LAMA3: variants seen among roughly 807,000 people sequenced by gnomAD.
The protein encoded by LAMA3 is laminin subunit alpha 3, also known as laminin subunit alpha-3.
In LAMA3, 281 loss-of-function variants were observed where a neutral mutation model predicts 402.0. The ratio of observed to expected loss-of-function variants is 0.70; its 90% CI spans 0.63 to 0.77. The LOEUF is 0.77. LAMA3 is among the 30% of genes least tolerant of loss of function. The pLI is 0.00. For synonymous variants in LAMA3, 1,431 were observed against 1,558.4 expected, an observed-to-expected ratio of 0.92 and a Z score of 1.93; for missense variants, 3,840 against 4,215.5, an observed-to-expected ratio of 0.91 and a Z score of 2.47.
At chr18:23,827,228 T>G in intron 22 of LAMA3, 86 bp from the exon 23 acceptor site, 2 of 1,349,966 alleles carry the variant, frequency 1.5e-6, no homozygotes, top group Non-Finnish European at 2.1e-6. Context: ...ACTGAATGAC[T>G]GAGAGTCTTT....
chr18:23,937,553 G>T (rs1460749263), intron 67 of LAMA3, among the ~76,000 whole-genome samples: 1 of 152,112 alleles, frequency 6.6e-6, no homozygotes, highest in Non-Finnish European at 1.5e-5. Flanking sequence ...AAGATTTTGA[G>T]CCTGGATGCT....
chr18:23,859,711 C>T (rs1159719277), intron 34 of LAMA3, among the ~76,000 whole-genome samples: 3 of 152,210 alleles, frequency 2.0e-5, no homozygotes, highest in Admixed American at 6.5e-5. Flanking sequence ...CCCAGGAGCT[C>T]TCCCAAACTA....
chr18:23,864,491 G>T (rs1456690754), intron 35 of LAMA3, among the ~76,000 whole-genome samples: 1 of 152,088 alleles, frequency 6.6e-6, no homozygotes, highest in Admixed American at 6.5e-5. Context: ...GCTTCCCAAA[G>T]TGTGGGATTA....
intron 55 of LAMA3, among the ~76,000 whole-genome samples, chr18:23,911,620 A>C (rs572264179): frequency 1.3e-5 from 2 of 152,032 alleles, no homozygotes; most frequent in African/African-American, 4.8e-5. Context: ...CCTTCACCAC[A>C]GAGAGCTCAA....
chr18:23,836,285 G>A (rs1053417346), intron 24 of LAMA3, among the ~76,000 whole-genome samples: 1 of 152,228 alleles, frequency 6.6e-6, no homozygotes, highest in African/African-American at 2.4e-5. Context: ...ATATTTCTCA[G>A]AAATAGTCCT....
chr18:23,713,651 G>C (rs1042544568), intron 1 of LAMA3, among the ~76,000 whole-genome samples: 2 of 152,146 alleles, frequency 1.3e-5, no homozygotes, highest in Non-Finnish European at 2.9e-5. Flanking sequence ...AAACATAGCT[G>C]TAAAGATGGA....
chr18:23,948,683 C>T (rs1171199325), intron 70 of LAMA3, among the ~76,000 whole-genome samples: 16 of 151,952 alleles, frequency 1.1e-4, no homozygotes, highest in Non-Finnish European at 4.4e-5. Flanking sequence ...GATTCTCCTG[C>T]CTCAGTCTCC....
chr18:23,813,158 T>C (rs2063107402), intron 14 of LAMA3, 55 bp downstream of exon 14: 1 of 1,178,548 alleles, frequency 8.5e-7, no homozygotes, highest in Non-Finnish European at 1.3e-6. Context: ...TTCTCATGCA[T>C]ATTAAGGACT....
intron 1 of LAMA3, among the ~76,000 whole-genome samples, chr18:23,706,914 A>C (rs1195779103): frequency 6.6e-6 from 1 of 152,166 alleles, no homozygotes; most frequent in Admixed American, 6.5e-5. Context: ...CCCCGTCTCT[A>C]CTAAAAATAC....
rs1388557583 is a variant in LAMA3, at chr18:23,842,339, A to G, written c.3337-56A>G. 2.5e-6 allele frequency: 4 copies of G among 1,605,508 alleles called. No individual in the cohort carries two copies. In the African/African-American group the frequency reaches 5.4e-5, roughly 21 times the overall value. ...GAATACTCTATGATTCCAGTTATTC[A>G]TAGCTCTTCAGCTTGAGGGTTTTTA... On this transcript the variant is annotated intron_variant, in intron 27 of 74. Transcript: ENST00000313654.
chr18:23,844,949 G>C, intron 29 of LAMA3, 60 bp from the exon 30 acceptor site: 1 of 960,126 alleles, frequency 1.0e-6, no homozygotes, highest in Non-Finnish European at 1.7e-6. Flanking sequence ...TGTATAATAA[G>C]TAGCCTTAGG....
At chr18:23,947,553 G>A (rs1308901501) in intron 70 of LAMA3, among the ~76,000 whole-genome samples, 3 of 152,094 alleles carry the variant, frequency 2.0e-5, no homozygotes, top group South Asian at 2.1e-4. Context: ...GGCTCAGCCT[G>A]GCCCTCTTGG....
intron 1 of LAMA3, among the ~76,000 whole-genome samples, chr18:23,701,545 T>C (rs1016142192): frequency 5.3e-5 from 8 of 152,246 alleles, no homozygotes; most frequent in African/African-American, 1.9e-4. Flanking sequence ...ATATAGTTTC[T>C]GCCATTTTAA....
chr18:23,748,755 A>G (rs2061695816), intron 3 of LAMA3, among the ~76,000 whole-genome samples: 1 of 151,908 alleles, frequency 6.6e-6, no homozygotes, highest in Non-Finnish European at 1.5e-5. Flanking sequence ...AGACTGTGCC[A>G]CAGCACTCCA....
Position 23,714,019 on chromosome 18 carries a change from C to T in LAMA3, c.394C>T (p.Leu132=), listed in dbSNP as rs766249143. The T allele has an allele frequency of 1.2e-6, 2 of 1,614,052 alleles. No homozygotes were observed. The highest frequency in any genetic ancestry group is 1.1e-5 in the South Asian group (1 of 91,080). The stretch of plus-strand genomic sequence containing the variant: ...TGAACGTTGGTGGCAAAGCCCTCCC[C>T]TGTCCTCAGGCACACAGTACAACAG... ...GSERWWQSPP[L]SSGTQYNRVN... The change falls in exon 2 of 75, where the codon CTG becomes TTG. Residue 132 remains leucine (L), a synonymous_variant. Transcript: ENST00000313654.
rs747144245 is a variant in LAMA3 at position 23,951,691 on chromosome 18, C to T, written c.9650C>T (p.Ala3217Val). 2 of 1,613,564 alleles carry T rather than the reference C, an allele frequency of 1.2e-6. No individual in the cohort carries two copies. Among genetic ancestry groups the T allele is most frequent in the Admixed American group, 1.7e-5 (1 of 59,990 alleles). Residue 3217 changes from alanine to valine, a missense_variant, in exon 73 of 75, where the codon GCC becomes GTC. Physicochemically the swap from Ala to Val is moderately conservative, Grantham distance 64. Coordinates refer to ENST00000313654, the MANE Select transcript of LAMA3 (RefSeq NM_198129.4). The part of the protein sequence containing the change: ...CVYLEAGKVT[A>V]SMDSGAGGTS... ...AATGCATGTGTGTTCCAGGTCACGGCCTCTATGGACAGTGGGGCAGGTGGG... is the reference window on the plus strand; with the variant it reads ...AATGCATGTGTGTTCCAGGTCACGGTCTCTATGGACAGTGGGGCAGGTGGG...
intron 2 of LAMA3, among the ~76,000 whole-genome samples, chr18:23,726,443 T>C (rs1227495024): frequency 6.6e-6 from 1 of 152,074 alleles, no homozygotes; most frequent in African/African-American, 2.4e-5. Context: ...GGGGAAGGCA[T>C]TGCACCCGCA....
Position 23,943,824 on chromosome 18 carries a change from C to A in LAMA3, c.9063C>A (p.Ser3021=). ...CTGTGGACATGCAGACAACATCCTCCAGAGGACTGGTGTTTCACACGGGCA... is the reference window on the plus strand; with the variant it reads ...CTGTGGACATGCAGACAACATCCTCAAGAGGACTGGTGTTTCACACGGGCA... ...QFAVDMQTTS[S]RGLVFHTGTK... The change falls in exon 69 of 75, where the codon TCC becomes TCA. Residue 3021 remains serine, a synonymous_variant. Transcript: ENST00000313654. 1 of 1,613,978 alleles carries A rather than the reference C, an allele frequency of 6.2e-7. No homozygotes were observed. The highest frequency in any genetic ancestry group is 1.1e-5 in the South Asian group (1 of 91,070).
At chr18:23,952,545 A>T (rs1398007819) in intron 73 of LAMA3, among the ~76,000 whole-genome samples, 2 of 152,218 alleles carry the variant, frequency 1.3e-5, no homozygotes, top group Admixed American at 1.3e-4. Context: ...AGCTGAGATC[A>T]TTAACATGAG....
Sources: allele counts gnomAD v4.1 joint callset (sites outside exome capture counted in the v4.1 genomes callset), GRCh38; gene constraint gnomAD v4.1.1; transcripts MANE v1.5; gene names NCBI Gene and HGNC (gene_info 2026-07-23, HGNC 2026-07-21).